Variants in DHX34 observed in about 807,000 individuals in gnomAD.
DHX34 encodes the protein probable ATP-dependent RNA helicase DHX34.
In DHX34, 96 loss-of-function variants were observed where a neutral mutation model predicts 111.1. The ratio of observed to expected loss-of-function variants is 0.86; its 90% CI spans 0.73 to 1.02. DHX34 has a LOEUF of 1.02. Ranked by LOEUF, DHX34 falls within the 50% of genes least tolerant of loss-of-function variation. The pLI is 0.00. For missense variants in DHX34, 1,560 were observed against 1,579.9 expected (o/e 0.99, Z 0.21); for synonymous variants, 688 against 670.4 (o/e 1.03, Z -0.41).
At chr19:47,362,414 C>T (rs539358785) in intron 5 of DHX34, 62 bp from the exon 6 acceptor site, 46 of 1,439,760 alleles carry the variant, frequency 3.2e-5, no homozygotes, top group Middle Eastern at 2.1e-4. Flanking sequence ...AAGAGCCAGG[C>T]GCGTGGCCAG....
In DHX34 at chr19:47,373,586, C is replaced by T. The variant is rs748971448; in HGVS notation, c.1963-13C>T. 1.4e-5 allele frequency: 22 copies of T among 1,611,624 alleles called. No homozygotes were observed. Among genetic ancestry groups the T allele is most frequent in the Non-Finnish European group, 6.8e-6 (8 of 1,179,118 alleles). On this transcript the variant is annotated splice_polypyrimidine_tract_variant and intron_variant, in intron 8 of 16. Coordinates refer to ENST00000328771, the MANE Select transcript of DHX34 (RefSeq NM_014681.6). ...CCAGGCCCTGACACCCTGGCGTCTG[C>T]TCCTCCACCCAGGTGAAATCTGAAC...
rs1235056181 is a variant in DHX34 at position 47,381,207 on chromosome 19, G to A, written c.3181G>A (p.Asp1061Asn). The A allele has an allele frequency of 8.1e-6, 13 of 1,614,026 alleles. No individual in the cohort carries two copies. The highest frequency in any genetic ancestry group is 3.3e-5 in the South Asian group (3 of 91,086). ...ACAGAATGACACAGACCTGTACAGC[G>A]ACTGTCTCCGAACCTTCTGGACCTG... is the stretch of plus-strand genomic sequence containing the variant. The part of the protein sequence containing the change: ...CLTNDTDLYS[D>N]CLRTFWTCPH... The change falls in exon 16 of 17, where the codon GAC becomes AAC. Residue 1061 changes from aspartate to asparagine, a missense_variant. Asp to Asn is a conservative substitution (Grantham distance 23). Coordinates refer to ENST00000328771, the MANE Select transcript of DHX34 (RefSeq NM_014681.6).
rs377348757 is a variant in DHX34 at position 47,362,495 on chromosome 19, C to T, written c.1395C>T (p.Ser465=). The T allele has an allele frequency of 5.6e-6, 9 of 1,596,156 alleles. No homozygotes were observed. The African/African-American group carries it at 1.2e-4, about 22-fold the overall frequency. ...VVDSGKVKEM[S]YDPQAKLQRL... ...ATCCAGGAAAGGTGAAGGAGATGAG[C>T]TACGATCCGCAGGCCAAGCTGCAAC... Residue 465 remains serine (S), a synonymous_variant, in exon 6 of 17, where the codon AGC becomes AGT. Coordinates refer to ENST00000328771, the MANE Select transcript of DHX34 (RefSeq NM_014681.6).
intron 7 of DHX34, among the ~76,000 whole-genome samples, chr19:47,367,413 G>A (rs1207425765): frequency 2.6e-5 from 4 of 152,214 alleles, no homozygotes; most frequent in African/African-American, 9.6e-5. Context: ...AAAAGGCATA[G>A]TAGATCAGAT....
At chr19:47,355,459 A>C in intron 3 of DHX34, 109 bp downstream of exon 3, 1 of 1,462,096 alleles carries the variant, frequency 6.8e-7, no homozygotes, top group Non-Finnish European at 9.2e-7. Context: ...CTTTCATTTA[A>C]AGATGTTCTC....
Position 47,355,107 on chromosome 19 carries a change from G to A in DHX34, c.774G>A (p.Gly258=), listed in dbSNP as rs756938613. Residue 258 remains glycine (G), a synonymous_variant, in exon 3 of 17, where the codon GGG becomes GGA. Coordinates refer to ENST00000328771, the MANE Select transcript of DHX34 (RefSeq NM_014681.6). The part of the protein sequence containing the change: ...AATKIVFLTV[G]LLLRQIQREP... ...CCAAGATTGTATTCCTGACAGTGGG[G>A]CTGCTCCTGCGACAAATCCAGCGGG... 5 of 1,613,938 alleles carry A rather than the reference G, an allele frequency of 3.1e-6. No individual in the cohort carries two copies. The highest frequency in any genetic ancestry group is 1.7e-5 in the Admixed American group (1 of 59,972).
rs563089988 is a variant in DHX34, at chr19:47,355,361, C to G, written c.1017+11C>G. The G allele has an allele frequency of 1.6e-5, 25 of 1,606,222 alleles. No individual in the cohort carries two copies. The Admixed American group carries it at 2.3e-4, about 15-fold the overall frequency. ...CTGTTCCCCATCACGGTGAGTACTT[C>G]CCCCTCCTCCCACATCCCCAGACCT... On this transcript the variant is annotated intron_variant, in intron 3 of 16. Coordinates refer to ENST00000328771, the MANE Select transcript of DHX34 (RefSeq NM_014681.6).
In DHX34 at chr19:47,366,829, C is replaced by T. The variant is rs549365567; in HGVS notation, c.1594-152C>T. On this transcript the variant is annotated intron_variant, in intron 6 of 16. Coordinates refer to ENST00000328771, the MANE Select transcript of DHX34 (RefSeq NM_014681.6). ...CCTCAAGTGATCCGCTTGCCTTGGC[C>T]TTTCAAAGTGCTGGGATTACAGGCA... The T allele has an allele frequency of 3.0e-6, 4 of 1,337,834 alleles. No individual in the cohort carries two copies. The Admixed American group carries it at 1.1e-4, about 38-fold the overall frequency. The allele number at this position is 1,337,834 out of a possible 1,614,324, so 82.9% of individuals were successfully genotyped here. A position where few individuals can be genotyped will look rare whatever the true frequency, so the allele number is the denominator to read the frequency against.
rs1264089475 is a variant in DHX34, at chr19:47,372,884, C to T, written c.1923C>T (p.Asp641=). The change falls in exon 8 of 17, where the codon GAC becomes GAT. Residue 641 remains aspartate (D), a synonymous_variant. Transcript: ENST00000328771. Reference sequence around the variant, plus strand: ...GGCCGCTGGAGAGCGACCAGGGTGACCCCTTCACGCTCTTCAACGTCTTCA... The same window carrying T: ...GGCCGCTGGAGAGCGACCAGGGTGATCCCTTCACGCTCTTCAACGTCTTCA... The part of the protein sequence containing the change: ...ARRPLESDQG[D]PFTLFNVFNA... 1.2e-6 allele frequency: 2 copies of T among 1,608,616 alleles called. No homozygotes were observed. Among genetic ancestry groups the T allele is most frequent in the Admixed American group, 3.3e-5 (2 of 59,908 alleles).
intron 6 of DHX34, among the ~76,000 whole-genome samples, chr19:47,362,981 C>T (rs750979932): frequency 1.1e-4 from 17 of 151,906 alleles, no homozygotes; most frequent in South Asian, 2.1e-4. Flanking sequence ...GACGGAGTCT[C>T]CCTCTGTCGC....
In DHX34 at chr19:47,372,747, G is replaced by A; in HGVS notation, c.1786G>A (p.Gly596Ser). 1 of 1,609,392 alleles carries A rather than the reference G, an allele frequency of 6.2e-7. No homozygotes were observed. Residue 596 changes from glycine (G) to serine (S), a missense_variant, in exon 8 of 17, where the codon GGC (glycine) becomes AGC (serine). Gly to Ser is a moderately conservative substitution (Grantham distance 56). Transcript: ENST00000328771. Reference protein sequence around the residue: ...DVVIGKMLILGSMFSLVEPVL... With the variant: ...DVVIGKMLILSSMFSLVEPVL... Reference sequence around the variant, plus strand: ...CGCTGCAGGGAAGATGCTGATCCTGGGCTCCATGTTCAGCCTGGTGGAGCC... The same window carrying A: ...CGCTGCAGGGAAGATGCTGATCCTGAGCTCCATGTTCAGCCTGGTGGAGCC...
rs1299691952 is a variant in DHX34, at chr19:47,357,937, G to T, written c.1089G>T (p.Leu363=). The stretch of plus-strand genomic sequence containing the variant: ...AGAAGCTGGACCCGCGGCCTTTCCT[G>T]AGGGTGCTGGAGTCCATTGACCACA... ...KSEKLDPRPF[L]RVLESIDHKY... is the part of the protein sequence containing the mutation. Residue 363 remains leucine (L), a synonymous_variant, in exon 4 of 17, where the codon CTG becomes CTT. Coordinates refer to ENST00000328771, the MANE Select transcript of DHX34 (RefSeq NM_014681.6). The T allele has an allele frequency of 6.2e-7, 1 of 1,613,900 alleles. No individual in the cohort carries two copies. Among genetic ancestry groups the T allele is most frequent in the South Asian group, 1.1e-5 (1 of 91,092 alleles).
chr19:47,373,849 G>T (rs117039293), intron 9 of DHX34, 149 bp downstream of exon 9: 5 of 1,046,692 alleles, frequency 4.8e-6, no homozygotes, highest in Non-Finnish European at 6.8e-6. Flanking sequence ...ACCAGGTGTT[G>T]GGGCAGCTGG....
intron 16 of DHX34, chr19:47,381,692 G>T: frequency 1.4e-6 from 1 of 693,368 alleles, no homozygotes; most frequent in East Asian, 3.0e-5. Flanking sequence ...TTCAGTGGGG[G>T]AGATAGCACT....
Position 47,379,139 on chromosome 19 carries a change from T to A in DHX34, c.2707-571T>A, listed in dbSNP as rs1568408099. On this transcript the variant is annotated intron_variant, in intron 13 of 16. Transcript: ENST00000328771. Reference sequence around the variant, plus strand: ...GTGAGACTCATCTCAAATAAATAAATAAATTAATAATAATAATAATAAGAA... The same window carrying A: ...GTGAGACTCATCTCAAATAAATAAAAAAATTAATAATAATAATAATAAGAA... Among the ~76,000 whole-genome samples the A allele has an allele frequency of 2.0e-5, 3 of 148,150 alleles. No homozygotes were observed. The East Asian group carries it at 5.8e-4, about 29-fold the overall frequency.
In DHX34 at chr19:47,373,633, G is replaced by A; in HGVS notation, c.1997G>A (p.Trp666Ter). ...KSERSRNSRK[W>*]CRRRGIEEHR... ...GAACGGAGCAGAAACTCTCGCAAGT[G>A]GTGCCGCCGCCGGGGCATAGAGGAG... Residue 666 changes from tryptophan (W) to a stop codon, truncating the protein, a stop_gained, in exon 9 of 17, where the codon TGG (tryptophan) becomes TAG (stop). Transcript: ENST00000328771. LOFTEE classifies it high-confidence loss of function. The A allele has an allele frequency of 6.2e-7, 1 of 1,613,998 alleles. No individual in the cohort carries two copies. Among genetic ancestry groups the A allele is most frequent in the South Asian group, 1.1e-5 (1 of 91,088 alleles).
rs955666138 is a variant in DHX34, at chr19:47,362,470, A to T, written c.1376-6A>T. 3 of 1,563,626 alleles carry T rather than the reference A, an allele frequency of 1.9e-6. No individual in the cohort carries two copies. Among genetic ancestry groups the T allele is most frequent in the Non-Finnish European group, 2.6e-6 (3 of 1,151,972 alleles). ...CAGACTCCCTTTCCTCATTGCTCCC[A>T]TCCAGGAAAGGTGAAGGAGATGAGC... On this transcript the variant is annotated splice_region_variant and splice_polypyrimidine_tract_variant and intron_variant, in intron 5 of 16. Transcript: ENST00000328771.
At chr19:47,355,417 G>A in intron 3 of DHX34, 67 bp downstream of exon 3, 4 of 1,557,800 alleles carry the variant, frequency 2.6e-6, no homozygotes, top group Non-Finnish European at 3.5e-6. Flanking sequence ...ACCTGGACAT[G>A]CCTCTTCTCT....
Position 47,372,818 on chromosome 19 carries a change from C to T in DHX34, c.1857C>T (p.Thr619=), listed in dbSNP as rs776288458. The T allele has an allele frequency of 3.1e-6, 5 of 1,613,086 alleles. No homozygotes were observed. Among genetic ancestry groups the T allele is most frequent in the African/African-American group, 1.3e-5 (1 of 75,068 alleles). Residue 619 remains threonine, a synonymous_variant, in exon 8 of 17, where the codon ACC becomes ACT. Coordinates refer to ENST00000328771, the MANE Select transcript of DHX34 (RefSeq NM_014681.6). Reference sequence around the variant, plus strand: ...CACTTAGCGTCCAGTCGCCCTTCACCCGCAGCGCCCAGAGCAGCCCAGAGT... The same window carrying T: ...CACTTAGCGTCCAGTCGCCCTTCACTCGCAGCGCCCAGAGCAGCCCAGAGT... ...AAALSVQSPF[T]RSAQSSPECA...
Sources: allele counts gnomAD v4.1 joint callset (sites outside exome capture counted in the v4.1 genomes callset), GRCh38; gene constraint gnomAD v4.1.1; transcripts MANE v1.5; gene names NCBI Gene and HGNC (gene_info 2026-07-23, HGNC 2026-07-21).